The following PRKCE variants were observed in gnomAD, a reference collection of about 807,000 sequenced individuals.
PRKCE encodes protein kinase C epsilon.
In PRKCE, 16 loss-of-function variants were observed where a neutral mutation model predicts 85.4. The ratio of observed to expected loss-of-function variants is 0.19; its 90% CI spans 0.13 to 0.28. The LOEUF (loss-of-function observed/expected upper bound fraction) is 0.28, where lower values mean the gene tolerates loss of function less well. Ranked by LOEUF, PRKCE falls within the 10% of genes least tolerant of loss-of-function variation. The pLI is 1.00. For missense variants in PRKCE, 573 were observed against 975.2 expected, an observed-to-expected ratio of 0.59 and a Z score of 5.49; for synonymous variants, 388 against 371.5, an observed-to-expected ratio of 1.04 and a Z score of -0.51.
chr2:45,943,967 A>C (rs1027057472), intron 2 of PRKCE, among the ~76,000 whole-genome samples: 4 of 152,202 alleles, frequency 2.6e-5, no homozygotes, highest in African/African-American at 9.6e-5. Context: ...ACAGTTTTGG[A>C]AACTGAGGCA....
intron 2 of PRKCE, among the ~76,000 whole-genome samples, chr2:45,901,534 A>C (rs13432826): frequency 0.012 from 1,789 of 152,340 alleles, 41 homozygotes; most frequent in African/African-American, 0.04. Flanking sequence ...TTAGAAGATC[A>C]GTCTATTTCA....
chr2:45,988,759 A>G (rs1174332708), intron 6 of PRKCE, among the ~76,000 whole-genome samples: 1 of 152,132 alleles, frequency 6.6e-6, no homozygotes, highest in Admixed American at 6.5e-5. Flanking sequence ...CAGTCCAGAA[A>G]TCAGCTTCCC....
At chr2:45,983,237 C>T (rs531420448) in intron 5 of PRKCE, among the ~76,000 whole-genome samples, 5 of 152,326 alleles carry the variant, frequency 3.3e-5, no homozygotes, top group South Asian at 2.1e-4. Flanking sequence ...TTCATGCTTG[C>T]GTTCAAGTCG....
intron 1 of PRKCE, among the ~76,000 whole-genome samples, chr2:45,804,148 C>G (rs1688074188): frequency 6.6e-6 from 1 of 152,206 alleles, no homozygotes; most frequent in Admixed American, 6.5e-5. Context: ...TAATGCATGA[C>G]TCTAGTGGGT....
chr2:45,844,230 A>T (rs1035398924), intron 2 of PRKCE, among the ~76,000 whole-genome samples: 2 of 152,226 alleles, frequency 1.3e-5, no homozygotes, highest in African/African-American at 4.8e-5. Context: ...GGGGATTATA[A>T]TAGAATTAGG....
At chr2:46,125,007 A>G (rs1330543829) in intron 11 of PRKCE, among the ~76,000 whole-genome samples, 2 of 152,214 alleles carry the variant, frequency 1.3e-5, no homozygotes, top group African/African-American at 4.8e-5. Flanking sequence ...TTTATTTGCA[A>G]TGGTGTCTTG....
chr2:45,976,869 G>A (rs1219559668), intron 3 of PRKCE, among the ~76,000 whole-genome samples: 1 of 143,624 alleles, frequency 7.0e-6, no homozygotes, highest in Admixed American at 7.0e-5. Flanking sequence ...GTGTGTGTGT[G>A]TGTGTGTGTG....
intron 1 of PRKCE, among the ~76,000 whole-genome samples, chr2:45,782,528 TC>T (rs1180246671): frequency 2.0e-5 from 3 of 152,106 alleles, no homozygotes; most frequent in Non-Finnish European, 4.4e-5. Flanking sequence ...TTGCTATTGT[TC>T]CTGTGGGAAG....
chr2:45,968,908 A>G (rs1701916892), intron 2 of PRKCE, among the ~76,000 whole-genome samples: 1 of 151,956 alleles, frequency 6.6e-6, no homozygotes, highest in South Asian at 2.1e-4. Context: ...GTGCAGACTG[A>G]GAAGTCTCAC....
At chr2:46,174,206 C>T (rs773490983) in intron 14 of PRKCE, among the ~76,000 whole-genome samples, 80 of 152,232 alleles carry the variant, frequency 5.3e-4, no homozygotes, top group Non-Finnish European at 8.2e-4. Flanking sequence ...CTTGTCCCTA[C>T]GACTACAGGG....
chr2:45,993,484 T>C (rs1703973311), intron 6 of PRKCE, among the ~76,000 whole-genome samples: 1 of 152,116 alleles, frequency 6.6e-6, no homozygotes, highest in Admixed American at 6.5e-5. Context: ...TTTTTAAAAA[T>C]AAAAGGCAAA....
chr2:45,711,094 A>G (rs898626453), intron 1 of PRKCE, among the ~76,000 whole-genome samples: 4 of 152,258 alleles, frequency 2.6e-5, no homozygotes, highest in African/African-American at 9.6e-5. Context: ...AGCGCAGCTC[A>G]GAGCACGAAC....
At chr2:46,151,573 G>A (rs568317850) in intron 13 of PRKCE, among the ~76,000 whole-genome samples, 1 of 151,632 alleles carries the variant, frequency 6.6e-6, no homozygotes, top group South Asian at 2.1e-4. Context: ...CAACTCAACT[G>A]TGCTGACATC....
intron 2 of PRKCE, among the ~76,000 whole-genome samples, chr2:45,898,591 C>G (rs1352896844): frequency 6.6e-6 from 1 of 152,184 alleles, no homozygotes. Flanking sequence ...TGCTGAGGAT[C>G]TAATAAACCA....
chr2:45,914,996 G>A (rs552734969), intron 2 of PRKCE, among the ~76,000 whole-genome samples: 1 of 152,314 alleles, frequency 6.6e-6, no homozygotes, highest in African/African-American at 2.4e-5. Context: ...GAGTGCAGTG[G>A]CATGACCTCA....
At chr2:45,683,076 C>T (rs1322437588) in intron 1 of PRKCE, among the ~76,000 whole-genome samples, 1 of 152,092 alleles carries the variant, frequency 6.6e-6, no homozygotes, top group African/African-American at 2.4e-5. Flanking sequence ...AGCATTTTAT[C>T]CTCTTGACAA....
At chr2:46,067,856 G>A (rs915670923) in intron 10 of PRKCE, among the ~76,000 whole-genome samples, 6 of 152,152 alleles carry the variant, frequency 3.9e-5, no homozygotes, top group African/African-American at 1.2e-4. Flanking sequence ...CAAGGTAGGG[G>A]TACAGTAAAA....
intron 11 of PRKCE, among the ~76,000 whole-genome samples, chr2:46,122,384 C>G (rs1673398834): frequency 6.6e-6 from 1 of 152,110 alleles, no homozygotes; most frequent in African/African-American, 2.4e-5. Flanking sequence ...GTGCATGCCA[C>G]TATGCCCAGC....
chr2:45,680,800 A>G (rs1572922378), intron 1 of PRKCE, among the ~76,000 whole-genome samples: 1 of 152,222 alleles, frequency 6.6e-6, no homozygotes, highest in African/African-American at 2.4e-5. Context: ...TGCTTTTAAC[A>G]AAAACCAGAT....
Sources: allele counts gnomAD v4.1 joint callset (sites outside exome capture counted in the v4.1 genomes callset), GRCh38; gene constraint gnomAD v4.1.1; transcripts MANE v1.5; gene names NCBI Gene and HGNC (gene_info 2026-07-23, HGNC 2026-07-21).